The following XRCC6 variants were observed in gnomAD, a reference collection of about 807,000 sequenced individuals.
XRCC6 encodes the protein X-ray repair cross complementing 6, also known as DNA repair protein Ku70.
XRCC6 carries 5 observed loss-of-function variants against 65.7 expected under a neutral mutation model. The observed-to-expected ratio is 0.08, with a 90% CI of 0.04 to 0.16. The LOEUF is 0.16. XRCC6 is among the 10% of genes least tolerant of loss of function. The pLI is 1.00. For missense variants in XRCC6, 447 were observed against 738.1 expected, an observed-to-expected ratio of 0.61 and a Z score of 4.57; for synonymous variants, 270 against 270.6, an observed-to-expected ratio of 1.00 and a Z score of 0.02.
chr22:41,657,672 A>G (rs1219716419), intron 10 of XRCC6, among the ~76,000 whole-genome samples: 1 of 151,814 alleles, frequency 6.6e-6, no homozygotes, highest in Non-Finnish European at 1.5e-5. Flanking sequence ...CCCTTGCACC[A>G]CCACACCTGG....
chr22:41,631,161 C>T (rs1180253634), intron 3 of XRCC6, among the ~76,000 whole-genome samples: 1 of 150,942 alleles, frequency 6.6e-6, no homozygotes, highest in Non-Finnish European at 1.5e-5. Flanking sequence ...CACCTCCCTC[C>T]CGGACGGGGC....
In XRCC6 at chr22:41,653,985, G is replaced by A. The variant is rs1021989966; in HGVS notation, c.1291+295G>A. 2.0e-5 allele frequency among the ~76,000 whole-genome samples: 3 copies of A among 152,260 alleles called. No homozygotes were observed. In the South Asian group the frequency reaches 6.2e-4, roughly 32 times the overall value. On this transcript the variant is annotated intron_variant, in intron 9 of 12. Coordinates refer to ENST00000360079, the MANE Select transcript of XRCC6 (RefSeq NM_001469.5). ...CACAAGTTCTTGGGACCTCACTGCC[G>A]ACACCTTTCTTTCCAAAGCCATTGT...
intron 12 of XRCC6, among the ~76,000 whole-genome samples, chr22:41,662,538 T>TA (rs1569100897): frequency 6.6e-6 from 1 of 152,184 alleles, no homozygotes; most frequent in Non-Finnish European, 1.5e-5. Context: ...TCTCATTTTT[T>TA]AAAAAATGAG....
At chr22:41,628,062 T>G in intron 2 of XRCC6, 56 bp from the exon 3 acceptor site, 1 of 1,234,052 alleles carries the variant, frequency 8.1e-7, no homozygotes. Flanking sequence ...TTATCTTATA[T>G]GGTAAACAAA....
In XRCC6 at chr22:41,661,345, G is replaced by A. The variant is rs61754572; in HGVS notation, c.1537G>A (p.Ala513Thr). Residue 513 changes from alanine to threonine, a missense_variant, in exon 12 of 13, where the codon GCA becomes ACA. Physicochemically the swap from Ala to Thr is moderately conservative, Grantham distance 58. Around this residue, in one of 4 missense-constraint regions of XRCC6, gnomAD observed 201 missense variants for 374.1 expected, o/e 0.54. Coordinates refer to ENST00000360079, the MANE Select transcript of XRCC6 (RefSeq NM_001469.5). Reference protein sequence around the residue: ...AVDLTLPKVEAMNKRLGSLVD... With the variant: ...AVDLTLPKVETMNKRLGSLVD... ...TGATTTTCTAGTGCCCAAGGTTGAA[G>A]CAATGAATAAAAGACTGGGCTCCTT... 220 of 1,613,568 alleles carry A rather than the reference G, an allele frequency of 1.4e-4. No homozygotes were observed. The highest frequency in any genetic ancestry group is 1.8e-4 in the Non-Finnish European group (207 of 1,179,918).
intron 3 of XRCC6, among the ~76,000 whole-genome samples, chr22:41,632,567 CG>C (rs1312080241): frequency 1.3e-5 from 2 of 151,978 alleles, no homozygotes; most frequent in African/African-American, 4.8e-5. Flanking sequence ...GCCAGGATCA[CG>C]CCACTGCACT....
At chr22:41,627,469 G>A (rs1416552329) in intron 2 of XRCC6, among the ~76,000 whole-genome samples, 1 of 152,058 alleles carries the variant, frequency 6.6e-6, no homozygotes, top group African/African-American at 2.4e-5. Flanking sequence ...AAATTAGCTG[G>A]GAGTGGTGGC....
chr22:41,630,509 T>A (rs1348464450), intron 3 of XRCC6, among the ~76,000 whole-genome samples: 2 of 151,700 alleles, frequency 1.3e-5, no homozygotes, highest in Non-Finnish European at 2.9e-5. Flanking sequence ...TTTTTTAATT[T>A]ATTTTTTTTA....
In XRCC6 at chr22:41,636,290, G is replaced by C. The variant is rs2067809139; in HGVS notation, c.334+39G>C. The C allele has an allele frequency of 6.4e-7, 1 of 1,558,340 alleles. No homozygotes were observed. Among genetic ancestry groups the C allele is most frequent in the African/African-American group, 1.4e-5 (1 of 72,396 alleles). ...TAAGATCAGCTTTTCCCTTATATAT[G>C]AGAATATCAGTACTCTGATCAAAGA... On this transcript the variant is annotated intron_variant, in intron 4 of 12. Transcript: ENST00000360079.
At chr22:41,640,710 T>TGA (rs2067866392) in intron 6 of XRCC6, among the ~76,000 whole-genome samples, 1 of 152,210 alleles carries the variant, frequency 6.6e-6, no homozygotes, top group African/African-American at 2.4e-5. Context: ...CTTTTCCTCT[T>TGA]GGAAACTATT....
intron 11 of XRCC6, among the ~76,000 whole-genome samples, chr22:41,660,763 G>T (rs775174947): frequency 8.5e-5 from 13 of 152,086 alleles, no homozygotes; most frequent in Non-Finnish European, 1.5e-4. Flanking sequence ...CCACTGCATC[G>T]TTTTTATCCA....
chr22:41,624,817 G>A (rs2067651339), intron 2 of XRCC6, among the ~76,000 whole-genome samples: 1 of 150,004 alleles, frequency 6.7e-6, no homozygotes, highest in African/African-American at 2.5e-5. Context: ...CAAACACGGT[G>A]AAACCCTGTG....
intron 3 of XRCC6, among the ~76,000 whole-genome samples, chr22:41,634,543 T>C (rs1030894231): frequency 3.6e-5 from 5 of 140,406 alleles, no homozygotes; most frequent in African/African-American, 1.5e-4. Context: ...ACTGATGAAC[T>C]CTCTTTTTTT....
At chr22:41,641,886 G>A (rs1355687112) in intron 6 of XRCC6, among the ~76,000 whole-genome samples, 1 of 151,936 alleles carries the variant, frequency 6.6e-6, no homozygotes, top group Non-Finnish European at 1.5e-5. Flanking sequence ...TCTGCCTTCT[G>A]GATTCAAGCA....
At chr22:41,653,872 G>GGGGT (rs988374659) in intron 9 of XRCC6, among the ~76,000 whole-genome samples, 182 bp downstream of exon 9, 3 of 152,096 alleles carry the variant, frequency 2.0e-5, no homozygotes, top group African/African-American at 7.2e-5. Context: ...ATATGGTGAT[G>GGGGT]GGGTGCACAG....
chr22:41,661,701 A>T, intron 12 of XRCC6: 4 of 421,582 alleles, frequency 9.5e-6, no homozygotes, highest in Non-Finnish European at 1.7e-5. Flanking sequence ...AGTGAAAACT[A>T]GAGCTACCAT....
intron 8 of XRCC6, 66 bp from the exon 9 acceptor site, chr22:41,653,463 G>C: frequency 6.9e-7 from 1 of 1,447,318 alleles, no homozygotes; most frequent in Non-Finnish European, 9.3e-7. Flanking sequence ...AGAAACTTTA[G>C]GGCTAAAAGA....
chr22:41,646,260 G>A (rs2067931152), intron 6 of XRCC6, among the ~76,000 whole-genome samples: 1 of 151,710 alleles, frequency 6.6e-6, no homozygotes, highest in South Asian at 2.1e-4. Flanking sequence ...CCGAGATCAC[G>A]CGACTGCACT....
In XRCC6 at chr22:41,650,966, A is replaced by G. The variant is rs955730694; in HGVS notation, c.1129+75A>G. ...ACGGAGCAGCGCTTTGTAAATGGGCACTGCTTGGACACTGTACAGGAAATG... is the reference window on the plus strand; with the variant it reads ...ACGGAGCAGCGCTTTGTAAATGGGCGCTGCTTGGACACTGTACAGGAAATG... On this transcript the variant is annotated intron_variant, in intron 8 of 12. Transcript: ENST00000360079. The G allele has an allele frequency of 1.4e-4, 224 of 1,547,948 alleles. 2 individuals are homozygous for G. Among genetic ancestry groups the G allele is most frequent in the Non-Finnish European group, 1.9e-4 (212 of 1,127,426 alleles).
Sources: allele counts gnomAD v4.1 joint callset (sites outside exome capture counted in the v4.1 genomes callset), GRCh38; gene constraint gnomAD v4.1.1; regional missense constraint gnomAD v4.1.1; transcripts MANE v1.5; gene names NCBI Gene and HGNC (gene_info 2026-07-23, HGNC 2026-07-21).